Variants in FANCL observed in about 807,000 individuals in gnomAD.
The protein encoded by FANCL is FA complementation group L.
Under a neutral mutation model 59.4 loss-of-function variants are expected in FANCL, and 69 were observed. The observed-to-expected ratio is 1.16, with a 90% CI of 0.96 to 1.42. The LOEUF (loss-of-function observed/expected upper bound fraction) is 1.42. Among genes scored for constraint, FANCL ranks in the 40% most tolerant of loss-of-function variants. FANCL has a pLI of 0.00. For missense variants in FANCL, 519 were observed against 447.2 expected (o/e 1.16, Z -1.45); for synonymous variants, 180 against 147.1 (o/e 1.22, Z -1.62).
chr2:58,164,913 C>A lies in FANCL; in HGVS notation c.691+811G>T, dbSNP rs749392186. On this transcript the variant is annotated intron_variant, in intron 8 of 13. Transcript: ENST00000233741. ...TACCACGTATGTGACATTCTTCCCC[C>A]AGATAATCTATATTATACCTAGGTA... Among the ~76,000 whole-genome samples, 6 of 152,002 alleles carry A rather than the reference C, an allele frequency of 3.9e-5. 1 individual carries two copies. The highest frequency in any genetic ancestry group is 7.4e-5 in the Non-Finnish European group (5 of 67,920).
At chr2:58,206,879 G>A (rs1690639538) in intron 5 of FANCL, among the ~76,000 whole-genome samples, 1 of 152,082 alleles carries the variant, frequency 6.6e-6, no homozygotes, top group Non-Finnish European at 1.5e-5. Flanking sequence ...CTTTGTTTGG[G>A]GCACAGAAAG....
intron 8 of FANCL, among the ~76,000 whole-genome samples, chr2:58,164,834 G>T (rs941876035): frequency 2.0e-5 from 3 of 151,856 alleles, no homozygotes; most frequent in Non-Finnish European, 2.9e-5. Context: ...TTGAAACCAG[G>T]AAAGTACCAA....
At position 58,205,349 on chromosome 2, in the gene FANCL, G is replaced by C. The variant is rs1414233842; in HGVS notation, c.375-1123C>G. Reference sequence around the variant, plus strand: ...TATCATAATCTGTAGAAAGTCTAGGGTCTTAGAAAACAAAACTATTCTAGA... The same window carrying C: ...TATCATAATCTGTAGAAAGTCTAGGCTCTTAGAAAACAAAACTATTCTAGA... On this transcript the variant is annotated intron_variant, in intron 5 of 13. Coordinates refer to ENST00000233741, the MANE Select transcript of FANCL (RefSeq NM_018062.4). 2.7e-5 allele frequency among the ~76,000 whole-genome samples: 4 copies of C among 147,094 alleles called. No homozygotes were observed. The East Asian group carries it at 8.4e-4, about 31-fold the overall frequency.
chr2:58,221,899 T>A (rs775879116), intron 5 of FANCL, 43 bp downstream of exon 5: 1 of 1,365,410 alleles, frequency 7.3e-7, no homozygotes, highest in Non-Finnish European at 1.0e-6. Context: ...AGTTAAAATA[T>A]ATAAAACAAA....
chr2:58,175,532 A>G (rs1687204004), intron 7 of FANCL, among the ~76,000 whole-genome samples: 1 of 152,106 alleles, frequency 6.6e-6, no homozygotes. Context: ...AAAGACAAAA[A>G]CCACATGATT....
At chr2:58,194,469 C>T (rs143166971) in intron 7 of FANCL, among the ~76,000 whole-genome samples, 2 of 152,266 alleles carry the variant, frequency 1.3e-5, no homozygotes, top group East Asian at 3.9e-4. Context: ...TTCTCATCGT[C>T]TATGCTAAAA....
intron 5 of FANCL, 104 bp from the exon 6 acceptor site, chr2:58,204,330 A>G (rs556549885): frequency 2.3e-6 from 2 of 887,836 alleles, no homozygotes; most frequent in African/African-American, 3.3e-5. Context: ...TATTCCTATT[A>G]ATCCATTATA....
chr2:58,230,966 C>T (rs921702346), intron 2 of FANCL, among the ~76,000 whole-genome samples: 1 of 152,190 alleles, frequency 6.6e-6, no homozygotes, highest in African/African-American at 2.4e-5. Flanking sequence ...TTTCCTCCCA[C>T]TCATCCAACA....
At chr2:58,226,264 G>T (rs1018983021) in intron 4 of FANCL, among the ~76,000 whole-genome samples, 6 of 152,024 alleles carry the variant, frequency 3.9e-5, no homozygotes, top group African/African-American at 1.2e-4. Flanking sequence ...ATGTCTACAG[G>T]ATAAACTGAA....
intron 6 of FANCL, among the ~76,000 whole-genome samples, chr2:58,199,942 C>T (rs1240316587): frequency 2.0e-5 from 3 of 151,690 alleles, no homozygotes; most frequent in South Asian, 2.1e-4. Context: ...TTGAAATCAA[C>T]ACTTTCAAAA....
intron 4 of FANCL, 86 bp from the exon 5 acceptor site, chr2:58,222,128 T>A (rs1053694874): frequency 3.3e-6 from 3 of 909,600 alleles, no homozygotes; most frequent in Non-Finnish European, 5.3e-6. Flanking sequence ...AATTTCATTA[T>A]CTTCTTAGTG....
chr2:58,171,744 G>C (rs1052123507), intron 7 of FANCL, among the ~76,000 whole-genome samples: 2 of 152,208 alleles, frequency 1.3e-5, no homozygotes, highest in African/African-American at 4.8e-5. Flanking sequence ...GGGAGTGCCA[G>C]ACAGTGGGCG....
At chr2:58,217,458 G>A (rs1253445952) in intron 5 of FANCL, among the ~76,000 whole-genome samples, 1 of 150,982 alleles carries the variant, frequency 6.6e-6, no homozygotes, top group Non-Finnish European at 1.5e-5. Context: ...TAGAGAAAAA[G>A]AGGAAGAATT....
chr2:58,164,256 T>C (rs1685640443), intron 8 of FANCL, among the ~76,000 whole-genome samples: 1 of 152,050 alleles, frequency 6.6e-6, no homozygotes, highest in Admixed American at 6.6e-5. Context: ...TTCATTTTCA[T>C]CGTAAAAATG....
At chr2:58,229,131 T>C (rs960415477) in intron 3 of FANCL, among the ~76,000 whole-genome samples, 1 of 152,214 alleles carries the variant, frequency 6.6e-6, no homozygotes, top group South Asian at 2.1e-4. Context: ...TCAGTTATCA[T>C]AGATAATAAC....
At chr2:58,180,329 A>G in intron 7 of FANCL, among the ~76,000 whole-genome samples, 1 of 152,214 alleles carries the variant, frequency 6.6e-6, no homozygotes, top group East Asian at 1.9e-4. Flanking sequence ...CCAAACGCCC[A>G]TCAATGATAG....
intron 7 of FANCL, among the ~76,000 whole-genome samples, chr2:58,178,087 G>A (rs932557309): frequency 2.6e-5 from 4 of 152,006 alleles, no homozygotes; most frequent in African/African-American, 9.7e-5. Flanking sequence ...CTGAAATTGA[G>A]GCAGTATTTA....
intron 3 of FANCL, among the ~76,000 whole-genome samples, chr2:58,229,004 TA>T (rs1693309117): frequency 6.6e-6 from 1 of 152,136 alleles, no homozygotes; most frequent in Non-Finnish European, 1.5e-5. Flanking sequence ...AACATATCCT[TA>T]AAAAAACTTC....
intron 5 of FANCL, among the ~76,000 whole-genome samples, chr2:58,210,257 G>A (rs1021440349): frequency 6.6e-6 from 1 of 152,160 alleles, no homozygotes; most frequent in Non-Finnish European, 1.5e-5. Flanking sequence ...ATGTGGCTGG[G>A]GAAGGCTCAC....
Sources: gnomAD v4.1 joint callset for allele counts (sites outside exome capture counted in the v4.1 genomes callset) on GRCh38, gnomAD v4.1.1 for gene constraint, MANE v1.5 for transcripts, NCBI Gene and HGNC (gene_info 2026-07-23, HGNC 2026-07-21) for gene names.